The following VEPH1 variants were observed in gnomAD, a reference collection of about 807,000 sequenced individuals.
The protein encoded by VEPH1 is ventricular zone expressed PH domain containing 1, also known as ventricular zone-expressed PH domain-containing protein homolog 1.
Under a neutral mutation model 85.2 loss-of-function variants are expected in VEPH1, and 80 were observed. The observed-to-expected ratio is 0.94, with a 90% confidence interval of 0.78 to 1.13. The LOEUF (loss-of-function observed/expected upper bound fraction) is 1.13. Ranked by LOEUF, VEPH1 falls within the 50% of genes most tolerant of loss-of-function variation. VEPH1 has a pLI of 0.00. For missense variants in VEPH1, 955 were observed against 980.5 expected (o/e 0.97, Z 0.35); for synonymous variants, 297 against 348.0 (o/e 0.85, Z 1.63).
intron 6 of VEPH1, chr3:157,413,442 C>A: frequency 1.0e-6 from 1 of 984,534 alleles, no homozygotes; most frequent in African/African-American, 1.7e-5. Context: ...AAATCTAATT[C>A]TGTGCTTACT....
chr3:157,281,801 G>A (rs747604728), intron 12 of VEPH1, among the ~76,000 whole-genome samples: 3 of 152,182 alleles, frequency 2.0e-5, no homozygotes, highest in Non-Finnish European at 4.4e-5. Flanking sequence ...CTCCCAAAGT[G>A]CTGGGATTAC....
At chr3:157,498,341 G>A (rs964760213) in intron 1 of VEPH1, among the ~76,000 whole-genome samples, 7 of 152,190 alleles carry the variant, frequency 4.6e-5, no homozygotes, top group Admixed American at 6.5e-5. Context: ...GGTGTTTTGA[G>A]GGTCACAGGT....
chr3:157,372,759 A>G (rs1727653416), intron 7 of VEPH1, among the ~76,000 whole-genome samples: 2 of 152,226 alleles, frequency 1.3e-5, no homozygotes, highest in Admixed American at 1.3e-4. Flanking sequence ...TTTTGTAAAA[A>G]TAGCAAAAAT....
intron 7 of VEPH1, among the ~76,000 whole-genome samples, chr3:157,372,610 G>A (rs1727631069): frequency 6.6e-6 from 1 of 152,150 alleles, no homozygotes; most frequent in African/African-American, 2.4e-5. Context: ...AAAGTTTAGG[G>A]AATAAAATAT....
intron 3 of VEPH1, among the ~76,000 whole-genome samples, chr3:157,463,703 C>A (rs1170516758): frequency 6.6e-6 from 1 of 152,190 alleles, no homozygotes; most frequent in East Asian, 1.9e-4. Context: ...CAAAGGATTT[C>A]CAAAAGGCTG....
chr3:157,334,133 C>G (rs1722748312), intron 9 of VEPH1, among the ~76,000 whole-genome samples: 1 of 152,174 alleles, frequency 6.6e-6, no homozygotes, highest in African/African-American at 2.4e-5. Flanking sequence ...CCTTTAGCAA[C>G]TACTAACTAA....
intron 4 of VEPH1, among the ~76,000 whole-genome samples, chr3:157,456,097 G>GT (rs1477614866): frequency 6.6e-6 from 1 of 151,956 alleles, no homozygotes; most frequent in East Asian, 1.9e-4. Context: ...TCTCATTGTG[G>GT]TTTTGATTTG....
intron 6 of VEPH1, chr3:157,413,628 T>C (rs1731685413): frequency 1.0e-6 from 1 of 985,206 alleles, no homozygotes; most frequent in African/African-American, 1.7e-5. Context: ...CACATAACCC[T>C]GCTACTTGAT....
chr3:157,361,816 G>C (rs1726073739), intron 9 of VEPH1, among the ~76,000 whole-genome samples: 1 of 152,162 alleles, frequency 6.6e-6, no homozygotes, highest in Admixed American at 6.5e-5. Context: ...AAATGTAAAG[G>C]AGTGTCAGAA....
chr3:157,456,908 T>C lies in VEPH1; in HGVS notation c.529+3273A>G, dbSNP rs577042417. On this transcript the variant is annotated intron_variant, in intron 4 of 13. Transcript: ENST00000362010. ...TAAAATATTTTTTCTAGTTCTGTGA[T>C]GAATGTCATTAGTAATTTAATAGGA... is the stretch of plus-strand genomic sequence containing the variant. 3.9e-5 allele frequency among the ~76,000 whole-genome samples: 6 copies of C among 152,282 alleles called. No individual in the cohort carries two copies. In the East Asian group the frequency reaches 1.2e-3, roughly 29 times the overall value.
chr3:157,286,618 G>A lies in VEPH1; in HGVS notation c.2067C>T (p.Gly689=). The part of the protein sequence containing the change: ...LEEVRFFDVF[G]FSETAGAWQC... ...GCCATGCTCCTGCTGTTTCACTGAA[G>A]CCAAACACGTCAAAGAACCTCACTT... Residue 689 remains glycine, a synonymous_variant, in exon 12 of 14, where the codon GGC becomes GGT. Coordinates refer to ENST00000362010, the MANE Select transcript of VEPH1 (RefSeq NM_001167912.2). 1 of 1,614,132 alleles carries A rather than the reference G, an allele frequency of 6.2e-7. No homozygotes were observed. The highest frequency in any genetic ancestry group is 8.5e-7 in the Non-Finnish European group (1 of 1,179,982).
intron 7 of VEPH1, 104 bp from the exon 8 acceptor site, chr3:157,364,616 CT>C: frequency 8.8e-7 from 1 of 1,133,486 alleles, no homozygotes. Flanking sequence ...AAAGCTTTGC[CT>C]GATAATTTTT....
chr3:157,338,864 C>T (rs530347692), intron 9 of VEPH1, among the ~76,000 whole-genome samples: 2 of 152,268 alleles, frequency 1.3e-5, no homozygotes, highest in Admixed American at 1.3e-4. Context: ...TCCCTTGCTC[C>T]TCATTTGTTG....
At chr3:157,492,285 A>G (rs1047459404) in intron 2 of VEPH1, among the ~76,000 whole-genome samples, 5 of 152,206 alleles carry the variant, frequency 3.3e-5, no homozygotes, top group African/African-American at 1.2e-4. Flanking sequence ...AACAGCATGA[A>G]ACACACAAGA....
At chr3:157,286,436 CTG>C (rs1315858853) in intron 12 of VEPH1, 119 bp downstream of exon 12, 1 of 793,124 alleles carries the variant, frequency 1.3e-6, no homozygotes, top group East Asian at 2.5e-5. Flanking sequence ...GGACATGACT[CTG>C]TGCATTATTA....
chr3:157,333,659 C>G (rs531981880), intron 9 of VEPH1, among the ~76,000 whole-genome samples: 53 of 152,176 alleles, frequency 3.5e-4, no homozygotes, highest in Non-Finnish European at 6.6e-4. Flanking sequence ...TTGGCTCTTC[C>G]AAGCACAGAT....
chr3:157,351,397 T>C (rs926073034), intron 9 of VEPH1, among the ~76,000 whole-genome samples: 2 of 152,106 alleles, frequency 1.3e-5, no homozygotes, highest in African/African-American at 4.8e-5. Context: ...AACATCCATG[T>C]TGGACAGGCT....
At chr3:157,439,089 G>T (rs1388149452) in intron 4 of VEPH1, among the ~76,000 whole-genome samples, 1 of 152,064 alleles carries the variant, frequency 6.6e-6, no homozygotes, top group Non-Finnish European at 1.5e-5. Context: ...ACTAAATAGG[G>T]CTTCAGAGGA....
At chr3:157,416,589 T>C (rs1431951591) in intron 5 of VEPH1, among the ~76,000 whole-genome samples, 2 of 152,178 alleles carry the variant, frequency 1.3e-5, no homozygotes, top group Admixed American at 1.3e-4. Context: ...TTCTATAAAG[T>C]TTCATTTGCC....
Sources: allele counts gnomAD v4.1 joint callset (sites outside exome capture counted in the v4.1 genomes callset), GRCh38; gene constraint gnomAD v4.1.1; transcripts MANE v1.5; gene names NCBI Gene and HGNC (gene_info 2026-07-23, HGNC 2026-07-21).